SNTG1: variants seen among roughly 807,000 people sequenced by gnomAD.
SNTG1 encodes the protein syntrophin gamma 1, also known as gamma-1-syntrophin.
Under a neutral mutation model 74.7 loss-of-function variants are expected in SNTG1, and 39 were observed. The ratio of observed to expected loss-of-function variants is 0.52; its 90% CI spans 0.40 to 0.68. SNTG1 has a LOEUF of 0.68. SNTG1 is among the 30% of genes least tolerant of loss of function. The probability of loss-of-function intolerance (pLI) is 0.00; values close to 1 mark genes in which losing one functional copy is unlikely to be tolerated. For missense variants in SNTG1, 685 were observed against 609.5 expected, an observed-to-expected ratio of 1.12 and a Z score of -1.30; for synonymous variants, 254 against 217.1, an observed-to-expected ratio of 1.17 and a Z score of -1.49.
chr8:50,022,385 T>TTGAGAAGGCAGCTTGA (rs1816904595), intron 1 of SNTG1, among the ~76,000 whole-genome samples: 1 of 152,194 alleles, frequency 6.6e-6, no homozygotes, highest in East Asian at 1.9e-4. Context: ...GCAGCTAGAC[T>TTGAGAAGGCAGCTTGA]GGAGTCCGAT....
chr8:50,006,227 C>T (rs1815222683), intron 1 of SNTG1, among the ~76,000 whole-genome samples: 1 of 152,104 alleles, frequency 6.6e-6, no homozygotes, highest in Admixed American at 6.6e-5. Context: ...TCCCAAAGTG[C>T]TGGGATTACA....
rs189701330 is a variant in SNTG1, at chr8:50,254,839, C to T, written c.-28+82204C>T. The stretch of plus-strand genomic sequence containing the variant: ...CTGCACTCCAGCCTGGGCGACAGAG[C>T]GAGACTCCTCAAAGAAAAAAAAAAA... On this transcript the variant is annotated intron_variant, in intron 2 of 18. Coordinates refer to ENST00000642720, the MANE Select transcript of SNTG1 (RefSeq NM_018967.5). Among the ~76,000 whole-genome samples the T allele has an allele frequency of 9.3e-3, 1,134 of 122,004 alleles. 11 individuals are homozygous for T. Among genetic ancestry groups the T allele is most frequent in the Non-Finnish European group, 0.015 (890 of 59,506 alleles). The allele number at this position is 122,004 out of a possible 152,430, so 80.0% of individuals were successfully genotyped here.
chr8:50,301,409 T>C (rs1468456384), intron 2 of SNTG1, among the ~76,000 whole-genome samples: 1 of 152,076 alleles, frequency 6.6e-6, no homozygotes, highest in Non-Finnish European at 1.5e-5. Flanking sequence ...GAATTTCAAC[T>C]TCTTTTTTAT....
intron 18 of SNTG1, among the ~76,000 whole-genome samples, chr8:50,780,171 G>A (rs1361437174): frequency 6.6e-6 from 1 of 151,884 alleles, no homozygotes; most frequent in Non-Finnish European, 1.5e-5. Flanking sequence ...TCTCTTTTTT[G>A]GTTATGTCTC....
At chr8:50,610,505 C>T (rs887266454) in intron 13 of SNTG1, among the ~76,000 whole-genome samples, 1 of 152,158 alleles carries the variant, frequency 6.6e-6, no homozygotes, top group South Asian at 2.1e-4. Flanking sequence ...TAGGGTCAAC[C>T]TGTTAAATTT....
intron 2 of SNTG1, among the ~76,000 whole-genome samples, chr8:50,268,605 C>T (rs1339687700): frequency 1.3e-5 from 2 of 151,488 alleles, no homozygotes; most frequent in African/African-American, 4.8e-5. Context: ...CAATGGAACA[C>T]AATTCAGTAG....
intron 1 of SNTG1, among the ~76,000 whole-genome samples, chr8:50,160,542 G>C (rs1465635752): frequency 6.6e-6 from 1 of 151,956 alleles, no homozygotes; most frequent in Admixed American, 6.6e-5. Context: ...ATCACAACTA[G>C]GATAGTTTCT....
Position 50,468,123 on chromosome 8 carries a change from G to A in SNTG1, c.363+17394G>A, listed in dbSNP as rs527471894. Among the ~76,000 whole-genome samples the A allele has an allele frequency of 7.9e-5, 12 of 151,298 alleles. No homozygotes were observed. The East Asian group carries it at 2.3e-3, about 29-fold the overall frequency. On this transcript the variant is annotated intron_variant, in intron 8 of 18. Coordinates refer to ENST00000642720, the MANE Select transcript of SNTG1 (RefSeq NM_018967.5). ...AGTATATGTTTTGCTACCTGTAAATGGTATATTCTATAAAAGTCTATTATA... is the reference window on the plus strand; with the variant it reads ...AGTATATGTTTTGCTACCTGTAAATAGTATATTCTATAAAAGTCTATTATA...
At chr8:50,512,257 G>T (rs2129963727) in intron 9 of SNTG1, among the ~76,000 whole-genome samples, 1 of 150,962 alleles carries the variant, frequency 6.6e-6, no homozygotes, top group South Asian at 2.1e-4. Context: ...AGTCTCTTCT[G>T]GCTTGCAGAG....
intron 12 of SNTG1, among the ~76,000 whole-genome samples, chr8:50,575,043 G>C (rs995649366): frequency 2.0e-5 from 3 of 152,106 alleles, no homozygotes; most frequent in Admixed American, 6.6e-5. Flanking sequence ...CTCTTACATA[G>C]ATGTCCTTTT....
chr8:50,581,841 T>C (rs945323865), intron 12 of SNTG1, among the ~76,000 whole-genome samples: 3 of 152,202 alleles, frequency 2.0e-5, no homozygotes, highest in Admixed American at 1.3e-4. Flanking sequence ...GAGCATCCTA[T>C]TGAAAATATT....
intron 2 of SNTG1, among the ~76,000 whole-genome samples, chr8:50,368,076 G>A (rs902188887): frequency 6.6e-6 from 1 of 152,000 alleles, no homozygotes; most frequent in Non-Finnish European, 1.5e-5. Context: ...CTGTAGAGAG[G>A]GCTTCACTCT....
chr8:50,708,934 A>G lies in SNTG1; in HGVS notation c.1240A>G (p.Ile414Val), dbSNP rs199607479. 5.0e-6 allele frequency: 8 copies of G among 1,613,944 alleles called. No individual in the cohort carries two copies. The East Asian group carries it at 1.3e-4, about 27-fold the overall frequency. Residue 414 changes from isoleucine (I) to valine (V), a missense_variant, in exon 17 of 19, where the codon ATT (isoleucine) becomes GTT (valine). Physicochemically the swap from Ile to Val is conservative, Grantham distance 29. Coordinates refer to ENST00000642720, the MANE Select transcript of SNTG1 (RefSeq NM_018967.5). ...VLESHLMGLT[I>V]DFSTGFICFD... is the part of the protein sequence containing the mutation. ...AGAAAGTCATCTAATGGGACTCACA[A>G]TTGATTTCAGCACAGGATTTATCTG... is the stretch of plus-strand genomic sequence containing the variant.
intron 13 of SNTG1, among the ~76,000 whole-genome samples, chr8:50,592,743 T>G (rs1457816328): frequency 6.6e-6 from 1 of 152,198 alleles, no homozygotes; most frequent in Non-Finnish European, 1.5e-5. Context: ...ATTATATAAT[T>G]CAAAACTATT....
intron 15 of SNTG1, among the ~76,000 whole-genome samples, chr8:50,666,521 G>T (rs1351724881): frequency 2.0e-5 from 3 of 152,094 alleles, no homozygotes; most frequent in Non-Finnish European, 4.4e-5. Flanking sequence ...TTAACAAACA[G>T]TTCAGAAAAT....
intron 2 of SNTG1, among the ~76,000 whole-genome samples, chr8:50,240,809 T>G (rs891273932): frequency 6.6e-6 from 1 of 152,134 alleles, no homozygotes; most frequent in Admixed American, 6.6e-5. Flanking sequence ...GAAAACAAAT[T>G]TATGCTTAAA....
chr8:50,781,903 G>A (rs1250396284), intron 18 of SNTG1, among the ~76,000 whole-genome samples: 3 of 152,104 alleles, frequency 2.0e-5, no homozygotes, highest in African/African-American at 4.8e-5. Context: ...AGGCCTGGTG[G>A]TGACAAAATC....
chr8:50,403,988 G>A (rs539521129), intron 4 of SNTG1, among the ~76,000 whole-genome samples: 10 of 152,228 alleles, frequency 6.6e-5, no homozygotes, highest in East Asian at 1.9e-4. Flanking sequence ...AAATTATACA[G>A]GAAGAGGCAA....
At chr8:50,069,748 A>G (rs1821204842) in intron 1 of SNTG1, among the ~76,000 whole-genome samples, 1 of 151,606 alleles carries the variant, frequency 6.6e-6, no homozygotes, top group Admixed American at 6.6e-5. Flanking sequence ...CCTGGTGTGG[A>G]TCCCATGCTT....
Sources: gnomAD v4.1 joint callset for allele counts (sites outside exome capture counted in the v4.1 genomes callset) on GRCh38, gnomAD v4.1.1 for gene constraint, MANE v1.5 for transcripts, NCBI Gene and HGNC (gene_info 2026-07-23, HGNC 2026-07-21) for gene names.